TSPAN13: variants seen among roughly 807,000 people sequenced by gnomAD.
The protein encoded by TSPAN13 is tetraspanin-13.
Under a neutral mutation model 26.9 loss-of-function variants are expected in TSPAN13, and 18 were observed. The ratio of observed to expected loss-of-function variants is 0.67; its 90% CI spans 0.46 to 0.99. TSPAN13 has a LOEUF of 0.99. Ranked by LOEUF, TSPAN13 falls within the 50% of genes least tolerant of loss-of-function variation. The probability of loss-of-function intolerance (pLI) is 0.00; values close to 1 mark genes in which losing one functional copy is unlikely to be tolerated. For synonymous variants in TSPAN13, 116 were observed against 98.4 expected, an observed-to-expected ratio of 1.18 and a Z score of -1.06; for missense variants, 201 against 249.6, an observed-to-expected ratio of 0.81 and a Z score of 1.31.
intron 5 of TSPAN13, among the ~76,000 whole-genome samples, chr7:16,781,494 A>G (rs1420503472): frequency 6.6e-6 from 1 of 152,172 alleles, no homozygotes; most frequent in Non-Finnish European, 1.5e-5. Context: ...TTCAATAATT[A>G]TCCAGTTTTG....
chr7:16,759,586 G>A (rs1484443592), intron 1 of TSPAN13, among the ~76,000 whole-genome samples: 3 of 152,170 alleles, frequency 2.0e-5, no homozygotes, highest in Admixed American at 6.5e-5. Flanking sequence ...GTATCAAAAG[G>A]CCTAAAGGAG....
intron 5 of TSPAN13, 80 bp downstream of exon 5, chr7:16,779,196 A>G (rs1200845999): frequency 8.0e-6 from 8 of 1,004,820 alleles, no homozygotes; most frequent in African/African-American, 4.9e-5. Context: ...GATTCTTGTT[A>G]TCAGTGAGCA....
At chr7:16,758,720 C>T (rs1784509181) in intron 1 of TSPAN13, among the ~76,000 whole-genome samples, 2 of 151,504 alleles carry the variant, frequency 1.3e-5, no homozygotes, top group Non-Finnish European at 2.9e-5. Flanking sequence ...TTTATTTATC[C>T]ACTGTAGAAT....
In TSPAN13 at chr7:16,783,602, C is replaced by A; in HGVS notation, c.*111C>A. 2.2e-6 allele frequency: 2 copies of A among 928,038 alleles called. No homozygotes were observed. The highest frequency in any genetic ancestry group is 3.4e-6 in the Non-Finnish European group (2 of 584,630). The allele number at this position is 928,038 out of a possible 1,614,324, so 57.5% of individuals were successfully genotyped here. ...GAAGGAAACACTATCTGGAAAAGTA[C>A]CTTATTGATAGTGGAATTATATATT... is the stretch of plus-strand genomic sequence containing the variant. On this transcript the variant is annotated 3_prime_UTR_variant, in exon 6 of 6. Coordinates refer to ENST00000262067, the MANE Select transcript of TSPAN13 (RefSeq NM_014399.4).
rs1287004551 is a variant in TSPAN13 at position 16,784,526 on chromosome 7, TGATC to T, written c.*1039_*1042del. ...AATTAAAAGAAAGTAATGGAAGAAT[TGATC>T]GATGAATTAAGTGAGGTGGAATTCT... On this transcript the variant is annotated 3_prime_UTR_variant, in exon 6 of 6. Transcript: ENST00000262067. 1 of 152,292 alleles carries T rather than the reference TGATC, an allele frequency of 6.6e-6. No individual in the cohort carries two copies. Among genetic ancestry groups the T allele is most frequent in the African/African-American group, 2.4e-5 (1 of 41,576 alleles). 9.4% of individuals were successfully genotyped at this position (152,292 alleles called of 1,614,324 possible).
rs1343075525 is a variant in TSPAN13 at position 16,777,925 on chromosome 7, A to T, written c.426+14A>T. The T allele has an allele frequency of 6.3e-7, 1 of 1,579,410 alleles. No individual in the cohort carries two copies. Reference sequence around the variant, plus strand: ...ACCTGTCTGGCTGTAAGTACATTGTATAATATATGTTTTTGGAAATGTATT... The same window carrying T: ...ACCTGTCTGGCTGTAAGTACATTGTTTAATATATGTTTTTGGAAATGTATT... On this transcript the variant is annotated intron_variant, in intron 4 of 5. Transcript: ENST00000262067.
chr7:16,761,573 C>T (rs184943980), intron 1 of TSPAN13, among the ~76,000 whole-genome samples: 2 of 152,008 alleles, frequency 1.3e-5, no homozygotes, highest in Admixed American at 1.3e-4. Context: ...GGCTGGAGTG[C>T]AGTGTGTGAT....
rs757952595 is a variant in TSPAN13 at position 16,776,258 on chromosome 7, C to T, written c.111C>T (p.Phe37=). The T allele has an allele frequency of 1.2e-5, 19 of 1,614,056 alleles. No individual in the cohort carries two copies. The highest frequency in any genetic ancestry group is 8.3e-5 in the Admixed American group (5 of 60,014). Residue 37 remains phenylalanine, a synonymous_variant, in exon 2 of 6, where the codon TTC becomes TTT. Transcript: ENST00000262067. ...LIGIAAWGIG[F]GLISSLRVVG... ...GAATTGCTGCGTGGGGCATTGGCTTCGGGCTGATTTCCAGTCTCCGAGTGG... is the reference window on the plus strand; with the variant it reads ...GAATTGCTGCGTGGGGCATTGGCTTTGGGCTGATTTCCAGTCTCCGAGTGG...
chr7:16,774,919 A>G (rs769921313), intron 1 of TSPAN13, among the ~76,000 whole-genome samples: 5 of 152,180 alleles, frequency 3.3e-5, no homozygotes, highest in Admixed American at 1.3e-4. Context: ...GTATCTCTAC[A>G]TATGTAAGGT....
At chr7:16,764,316 C>T (rs906249219) in intron 1 of TSPAN13, among the ~76,000 whole-genome samples, 11 of 152,018 alleles carry the variant, frequency 7.2e-5, no homozygotes, top group South Asian at 6.2e-4. Flanking sequence ...TGTGAGCCAC[C>T]GCGCCTGGCT....
chr7:16,754,562 T>C lies in TSPAN13; in HGVS notation c.63+532T>C, dbSNP rs555264361. Among the ~76,000 whole-genome samples, 5 of 152,372 alleles carry C rather than the reference T, an allele frequency of 3.3e-5. No individual in the cohort carries two copies. In the South Asian group the frequency reaches 1.0e-3, roughly 32 times the overall value. ...CTGAGTAGGTTCACAGGATGTCCGC[T>C]GCTTCCGAAGTTTGTTTCGTGCTCA... is the stretch of plus-strand genomic sequence containing the variant. On this transcript the variant is annotated intron_variant, in intron 1 of 5. Transcript: ENST00000262067.
chr7:16,771,310 A>G (rs1416887965), intron 1 of TSPAN13, among the ~76,000 whole-genome samples: 1 of 152,226 alleles, frequency 6.6e-6, no homozygotes, highest in East Asian at 1.9e-4. Flanking sequence ...TCAGTTGCCC[A>G]TGTTCCAAGA....
intron 1 of TSPAN13, among the ~76,000 whole-genome samples, chr7:16,760,996 A>G (rs1052384467): frequency 6.6e-6 from 1 of 152,194 alleles, no homozygotes; most frequent in African/African-American, 2.4e-5. Flanking sequence ...TCTTCTGCCC[A>G]TACTTCATTT....
chr7:16,770,194 T>G (rs921181070), intron 1 of TSPAN13, among the ~76,000 whole-genome samples: 1 of 146,580 alleles, frequency 6.8e-6, no homozygotes, highest in Non-Finnish European at 1.5e-5. Context: ...ATATTTTTTA[T>G]TTTATTATTT....
chr7:16,776,158 A>G, intron 1 of TSPAN13, 53 bp from the exon 2 acceptor site: 2 of 1,566,824 alleles, frequency 1.3e-6, no homozygotes, highest in Non-Finnish European at 1.7e-6. Context: ...CATTTTCCCC[A>G]TTCTCTCTCC....
chr7:16,761,565 C>G (rs545012207), intron 1 of TSPAN13, among the ~76,000 whole-genome samples: 1 of 152,148 alleles, frequency 6.6e-6, no homozygotes, highest in East Asian at 1.9e-4. Flanking sequence ...GTCACTAAGG[C>G]TGGAGTGCAG....
chr7:16,754,021 G>T lies in TSPAN13; in HGVS notation c.54G>T (p.Leu18=). Residue 18 remains leucine, a synonymous_variant, in exon 1 of 6, where the codon CTG becomes CTT. Transcript: ENST00000262067. ...CSKNCLCALN[L]LYTLVSLLLI... ...AGAACTGCCTGTGCGCCCTCAACCT[G>T]CTTTACACCGTGAGTATCCCCAGTC... 6.2e-7 allele frequency: 1 copy of T among 1,613,744 alleles called. No individual in the cohort carries two copies. Among genetic ancestry groups the T allele is most frequent in the Non-Finnish European group, 8.5e-7 (1 of 1,179,790 alleles).
chr7:16,764,241 C>T (rs943875159), intron 1 of TSPAN13, among the ~76,000 whole-genome samples: 1 of 151,230 alleles, frequency 6.6e-6, no homozygotes, highest in African/African-American at 2.4e-5. Flanking sequence ...GCTGGCCAGG[C>T]TGGTCTCAAA....
chr7:16,776,433 A>T (rs1784746631), intron 2 of TSPAN13, 55 bp downstream of exon 2: 4 of 1,536,492 alleles, frequency 2.6e-6, no homozygotes, highest in Admixed American at 1.8e-5. Context: ...GATGGTTACA[A>T]CTAATTTAAT....
Sources: allele counts gnomAD v4.1 joint callset (sites outside exome capture counted in the v4.1 genomes callset), GRCh38; gene constraint gnomAD v4.1.1; transcripts MANE v1.5; gene names NCBI Gene and HGNC (gene_info 2026-07-23, HGNC 2026-07-21).